The following NCK1 variants were observed in gnomAD, a reference collection of about 807,000 sequenced individuals.
NCK1 encodes the protein SH2/SH3 adapter protein NCK1.
In NCK1, 19 loss-of-function variants were observed where a neutral mutation model predicts 36.6. The observed-to-expected ratio is 0.52, with a 90% CI of 0.36 to 0.76. The LOEUF is 0.76. Ranked by LOEUF, NCK1 falls within the 30% of genes least tolerant of loss-of-function variation. The pLI, the probability that NCK1 is intolerant of heterozygous loss-of-function variation, is 0.00. For missense variants in NCK1, 358 were observed against 445.6 expected (o/e 0.80, Z 1.77); for synonymous variants, 165 against 156.0 (o/e 1.06, Z -0.43).
intron 2 of NCK1, chr3:136,930,728 A>T: frequency 1.5e-6 from 1 of 656,536 alleles, no homozygotes; most frequent in Non-Finnish European, 2.2e-6. Context: ...TGTAATATAA[A>T]CCAAATGATT....
chr3:136,930,182 G>C (rs1267601799), intron 2 of NCK1, among the ~76,000 whole-genome samples: 1 of 152,110 alleles, frequency 6.6e-6, no homozygotes, highest in Non-Finnish European at 1.5e-5. Context: ...TAATGGATTT[G>C]TTTCGCAATG....
intron 2 of NCK1, among the ~76,000 whole-genome samples, chr3:136,943,886 A>G (rs1940739124): frequency 2.0e-5 from 3 of 152,198 alleles, no homozygotes; most frequent in Non-Finnish European, 4.4e-5. Context: ...AGAAGAAAAC[A>G]TAATGGAGAG....
At chr3:136,915,732 T>G (rs1358161707) in intron 1 of NCK1, among the ~76,000 whole-genome samples, 3 of 149,620 alleles carry the variant, frequency 2.0e-5, no homozygotes, top group African/African-American at 7.3e-5. Context: ...TTGCTTTTGT[T>G]TTTTTTTTTT....
rs1036023701 is a variant in NCK1, at chr3:136,869,018, C to G, written c.-19+6665C>G. On this transcript the variant is annotated intron_variant, in intron 1 of 3. Coordinates refer to ENST00000481752, the MANE Select transcript of NCK1 (RefSeq NM_001291999.2). ...TTTGGGAGGCTGAGGCATGCGGAGC[C>G]CCTGAGTCCAGGAGTTTGAGACCAG... Among the ~76,000 whole-genome samples, 2 of 147,854 alleles carry G rather than the reference C, an allele frequency of 1.4e-5. 1 individual carries two copies. Among genetic ancestry groups the G allele is most frequent in the Non-Finnish European group, 3.0e-5 (2 of 66,682 alleles).
rs1051235900 is a variant in NCK1, at chr3:136,946,360, A to G, written c.939+65A>G. 20 of 1,413,064 alleles carry G rather than the reference A, an allele frequency of 1.4e-5. No homozygotes were observed. The Admixed American group carries it at 3.5e-4, about 25-fold the overall frequency. The allele number at this position is 1,413,064 out of a possible 1,614,324, so 87.5% of individuals were successfully genotyped here. Reference sequence around the variant, plus strand: ...GGTATTTTAAAAAAAAGAGAGAGAGAAATGGAGAGGTTAAGTGGCTTCCCT... The same window carrying G: ...GGTATTTTAAAAAAAAGAGAGAGAGGAATGGAGAGGTTAAGTGGCTTCCCT... On this transcript the variant is annotated intron_variant, in intron 3 of 3. Transcript: ENST00000481752.
intron 1 of NCK1, 140 bp downstream of exon 1, chr3:136,862,493 C>T: frequency 6.6e-6 from 1 of 151,524 alleles, no homozygotes; most frequent in Non-Finnish European, 1.5e-5. Flanking sequence ...AGGCTCGGAG[C>T]CGAGCCGGAG....
rs565482887 is a variant in NCK1, at chr3:136,927,057, C to T, written c.-18-927C>T. ...CACGATCTTGGCTAACTGCAACCTC[C>T]GCCTCCCAGGTTCAAGGGATTCTCC... is the stretch of plus-strand genomic sequence containing the variant. On this transcript the variant is annotated intron_variant, in intron 1 of 3. Transcript: ENST00000481752. Among the ~76,000 whole-genome samples, 237 of 152,226 alleles carry T rather than the reference C, an allele frequency of 1.6e-3. No individual in the cohort carries two copies. In the South Asian group the frequency reaches 0.024, roughly 15 times the overall value.
At chr3:136,911,217 A>G (rs1235494709) in intron 1 of NCK1, among the ~76,000 whole-genome samples, 3 of 152,180 alleles carry the variant, frequency 2.0e-5, no homozygotes, top group African/African-American at 7.2e-5. Flanking sequence ...TGAACATGGG[A>G]ATATAGATGT....
At chr3:136,921,628 G>C (rs59338334) in intron 1 of NCK1, among the ~76,000 whole-genome samples, 4 of 152,216 alleles carry the variant, frequency 2.6e-5, no homozygotes, top group South Asian at 2.1e-4. Context: ...CTGGACACTA[G>C]TTAAAATGGT....
At chr3:136,882,833 T>C (rs1397929014) in intron 1 of NCK1, among the ~76,000 whole-genome samples, 1 of 152,198 alleles carries the variant, frequency 6.6e-6, no homozygotes, top group East Asian at 1.9e-4. Flanking sequence ...TATAGCAGTG[T>C]CTTAATGAAG....
At chr3:136,915,255 C>T (rs1939929404) in intron 1 of NCK1, among the ~76,000 whole-genome samples, 1 of 152,028 alleles carries the variant, frequency 6.6e-6, no homozygotes, top group African/African-American at 2.4e-5. Context: ...TCATTTGAGT[C>T]CTATTGAGAA....
chr3:136,878,535 G>A (rs1576946404), intron 1 of NCK1, among the ~76,000 whole-genome samples: 1 of 152,248 alleles, frequency 6.6e-6, no homozygotes, highest in South Asian at 2.1e-4. Context: ...AGTAGGGGAG[G>A]TTAGAGGGAA....
chr3:136,945,998 A>G lies in NCK1; in HGVS notation c.642A>G (p.Gly214=). 1 of 1,614,002 alleles carries G rather than the reference A, an allele frequency of 6.2e-7. No individual in the cohort carries two copies. The highest frequency in any genetic ancestry group is 8.5e-7 in the Non-Finnish European group (1 of 1,179,990). ...SNDEELNFEK[G]DVMDVIEKPE... ...ATGAAGAACTTAATTTCGAGAAAGG[A>G]GATGTAATGGATGTTATTGAAAAAC... The change falls in exon 3 of 4, where the codon GGA becomes GGG. Residue 214 remains glycine (G), a synonymous_variant. Transcript: ENST00000481752.
At chr3:136,894,079 C>A (rs183790699) in intron 1 of NCK1, among the ~76,000 whole-genome samples, 1 of 152,256 alleles carries the variant, frequency 6.6e-6, no homozygotes, top group East Asian at 1.9e-4. Context: ...ACAACAGGTC[C>A]TAATAATCAG....
intron 1 of NCK1, among the ~76,000 whole-genome samples, chr3:136,907,664 A>G (rs534189280): frequency 1.3e-5 from 2 of 152,148 alleles, no homozygotes; most frequent in South Asian, 4.2e-4. Context: ...CTCTTAGGTG[A>G]TCTATTTGAA....
rs559604023 is a variant in NCK1 at position 136,882,124 on chromosome 3, A to T, written c.-19+19771A>T. 5.3e-5 allele frequency among the ~76,000 whole-genome samples: 8 copies of T among 152,270 alleles called. No homozygotes were observed. In the South Asian group the frequency reaches 1.7e-3, roughly 32 times the overall value. On this transcript the variant is annotated intron_variant, in intron 1 of 3. Transcript: ENST00000481752. ...TACCATTTTCCATAGCAGCTGCACC[A>T]TTTTACATTACCACCAACCGTGCAT...
At chr3:136,917,232 C>CTTTTT (rs11455373) in intron 1 of NCK1, among the ~76,000 whole-genome samples, 4 of 139,204 alleles carry the variant, frequency 2.9e-5, no homozygotes, top group African/African-American at 5.3e-5. Flanking sequence ...ACATTATGAG[C>CTTTTT]TTTTTTTTTT....
At chr3:136,925,714 G>C (rs948363388) in intron 1 of NCK1, among the ~76,000 whole-genome samples, 13 of 152,090 alleles carry the variant, frequency 8.5e-5, no homozygotes, top group Admixed American at 3.3e-4. Context: ...TGGTATGAAC[G>C]TACCAGTTTG....
At chr3:136,906,371 A>C (rs1213214481) in intron 1 of NCK1, among the ~76,000 whole-genome samples, 1 of 152,156 alleles carries the variant, frequency 6.6e-6, no homozygotes, top group Admixed American at 6.5e-5. Context: ...CAGCCTCCCA[A>C]AGTGCTAGGA....
Sources: allele counts gnomAD v4.1 joint callset (sites outside exome capture counted in the v4.1 genomes callset), GRCh38; gene constraint gnomAD v4.1.1; transcripts MANE v1.5; gene names NCBI Gene and HGNC (gene_info 2026-07-23, HGNC 2026-07-21).